DSCAML1: variants seen among roughly 807,000 people sequenced by gnomAD.
DSCAML1 encodes DS cell adhesion molecule like 1, also known as cell adhesion molecule DSCAML1.
A neutral mutation model predicts 200.5 loss-of-function variants in DSCAML1; 38 were observed. The observed-to-expected ratio is 0.19, with a 90% CI of 0.15 to 0.25. The LOEUF (loss-of-function observed/expected upper bound fraction) is 0.25. Ranked by LOEUF, DSCAML1 falls within the 10% of genes least tolerant of loss-of-function variation. The pLI is 1.00. For missense variants in DSCAML1, 2,223 were observed against 2,858.8 expected, an observed-to-expected ratio of 0.78 and a Z score of 5.07; for synonymous variants, 1,215 against 1,165.0, an observed-to-expected ratio of 1.04 and a Z score of -0.87.
At chr11:117,754,552 A>AGGAC (rs1226938672) in intron 3 of DSCAML1, among the ~76,000 whole-genome samples, 1 of 152,158 alleles carries the variant, frequency 6.6e-6, no homozygotes, top group African/African-American at 2.4e-5. Flanking sequence ...AGGTGAGGGA[A>AGGAC]GGACCACAGG....
intron 3 of DSCAML1, among the ~76,000 whole-genome samples, chr11:117,751,389 TTTTTTC>T (rs2054602363): frequency 6.7e-6 from 1 of 149,134 alleles, no homozygotes; most frequent in Non-Finnish European, 1.5e-5. Context: ...CGCTCACACC[TTTTTTC>T]TTTTTTTTTT....
intron 3 of DSCAML1, among the ~76,000 whole-genome samples, chr11:117,594,965 T>C (rs1004452780): frequency 3.3e-5 from 5 of 152,132 alleles, no homozygotes; most frequent in East Asian, 1.9e-4. Flanking sequence ...TAGTTCACCA[T>C]TGCCGTTCTC....
At chr11:117,501,738 C>T (rs1165157696) in intron 11 of DSCAML1, among the ~76,000 whole-genome samples, 1 of 152,114 alleles carries the variant, frequency 6.6e-6, no homozygotes, top group Admixed American at 6.5e-5. Context: ...TTGAGAGGTT[C>T]TGAGGGTGAT....
At chr11:117,714,363 A>T (rs910967967) in intron 3 of DSCAML1, among the ~76,000 whole-genome samples, 2 of 152,180 alleles carry the variant, frequency 1.3e-5, no homozygotes, top group African/African-American at 4.8e-5. Flanking sequence ...CTAACTCTTA[A>T]TCAGGGGCTG....
At chr11:117,597,414 C>A (rs533506037) in intron 3 of DSCAML1, among the ~76,000 whole-genome samples, 2 of 152,170 alleles carry the variant, frequency 1.3e-5, no homozygotes, top group African/African-American at 2.4e-5. Context: ...AGACCAAGGT[C>A]CTTGCCAGCC....
rs370243444 is a variant in DSCAML1 at position 117,595,596 on chromosome 11, G to T, written c.512-63074C>A. Among the ~76,000 whole-genome samples the T allele has an allele frequency of 2.3e-4, 35 of 152,316 alleles. No individual in the cohort carries two copies. In the East Asian group the frequency reaches 4.2e-3, roughly 18 times the overall value. ...GGCAGGGATAACAGAACAGGAAGGT[G>T]CCAGGGCCGGCCCCGCCCAATTTCC... On this transcript the variant is annotated intron_variant, in intron 3 of 32. Coordinates refer to ENST00000651296, the MANE Select transcript of DSCAML1 (RefSeq NM_020693.4).
At chr11:117,774,422 G>A (rs1461831327) in intron 3 of DSCAML1, among the ~76,000 whole-genome samples, 1 of 152,138 alleles carries the variant, frequency 6.6e-6, no homozygotes. Context: ...AGCAACTGTC[G>A]GGCAGTGTTC....
At chr11:117,761,763 T>C (rs758593891) in intron 3 of DSCAML1, among the ~76,000 whole-genome samples, 2 of 151,994 alleles carry the variant, frequency 1.3e-5, no homozygotes, top group Non-Finnish European at 2.9e-5. Flanking sequence ...CCCAGCTACT[T>C]GGGATGCTGA....
intron 29 of DSCAML1, 129 bp from the exon 30 acceptor site, chr11:117,432,633 T>C: frequency 9.0e-7 from 1 of 1,109,166 alleles, no homozygotes; most frequent in African/African-American, 1.6e-5. Flanking sequence ...GTTTGTTTTT[T>C]TGAGACAGGG....
intron 3 of DSCAML1, among the ~76,000 whole-genome samples, chr11:117,624,081 A>T (rs928481845): frequency 3.3e-5 from 5 of 152,250 alleles, no homozygotes; most frequent in Admixed American, 6.5e-5. Context: ...GTGAAAAAAT[A>T]GAACAGGTTA....
intron 6 of DSCAML1, 45 bp downstream of exon 6, chr11:117,521,085 C>T (rs1033088667): frequency 2.5e-6 from 4 of 1,594,404 alleles, no homozygotes; most frequent in East Asian, 2.2e-5. Context: ...GGAATGAGCT[C>T]GGCAGCCCTG....
chr11:117,770,167 T>C lies in DSCAML1; in HGVS notation c.511+6624A>G, dbSNP rs369648710. Among the ~76,000 whole-genome samples the C allele has an allele frequency of 1.1e-3, 172 of 152,306 alleles. No individual in the cohort carries two copies. The Middle Eastern group carries it at 0.024, about 21-fold the overall frequency. On this transcript the variant is annotated intron_variant, in intron 3 of 32. Coordinates refer to ENST00000651296, the MANE Select transcript of DSCAML1 (RefSeq NM_020693.4). ...AGTGGTCCTGCGGTATCCTCCTCTTTGTGGGAAGACACTATAGTCCCAAGA... is the reference window on the plus strand; with the variant it reads ...AGTGGTCCTGCGGTATCCTCCTCTTCGTGGGAAGACACTATAGTCCCAAGA...
At chr11:117,665,191 C>G (rs1208896016) in intron 3 of DSCAML1, among the ~76,000 whole-genome samples, 1 of 152,220 alleles carries the variant, frequency 6.6e-6, no homozygotes, top group African/African-American at 2.4e-5. Flanking sequence ...CATGTGGGCC[C>G]AGTCTCCCTG....
upstream of DSCAML1, chr11:117,801,882 CTG>C (rs2134084793): frequency 6.6e-6 from 1 of 152,352 alleles, no homozygotes; most frequent in African/African-American, 2.4e-5. Context: ...CCCTGAATAA[CTG>C]TGGCCTCTCT....
At chr11:117,638,330 G>A in intron 3 of DSCAML1, among the ~76,000 whole-genome samples, 1 of 147,802 alleles carries the variant, frequency 6.8e-6, no homozygotes, top group Admixed American at 6.7e-5. Context: ...GTGTGTGTGT[G>A]TGTGTGTGTG....
intron 3 of DSCAML1, among the ~76,000 whole-genome samples, chr11:117,716,068 C>T (rs2053946818): frequency 6.6e-6 from 1 of 152,198 alleles, no homozygotes; most frequent in South Asian, 2.1e-4. Context: ...CTGTACTAAC[C>T]CAGGCTGACG....
chr11:117,650,698 T>TGTGC (rs1200976692), intron 3 of DSCAML1, among the ~76,000 whole-genome samples: 5 of 106,338 alleles, frequency 4.7e-5, no homozygotes, highest in East Asian at 2.2e-4. Context: ...TGTGTGTGTG[T>TGTGC]GTGCGTGTGT....
chr11:117,483,156 G>C (rs1004254282), intron 11 of DSCAML1, among the ~76,000 whole-genome samples: 1 of 152,178 alleles, frequency 6.6e-6, no homozygotes, highest in African/African-American at 2.4e-5. Context: ...GGGGAAAAAT[G>C]GTCTCAGCTG....
intron 11 of DSCAML1, among the ~76,000 whole-genome samples, chr11:117,499,299 C>T (rs2049352609): frequency 6.6e-6 from 1 of 152,032 alleles, no homozygotes; most frequent in African/African-American, 2.4e-5. Context: ...CAACCAAGTT[C>T]TGGGAGGTGG....
Sources: allele counts gnomAD v4.1 joint callset (sites outside exome capture counted in the v4.1 genomes callset), GRCh38; gene constraint gnomAD v4.1.1; transcripts MANE v1.5; gene names NCBI Gene and HGNC (gene_info 2026-07-23, HGNC 2026-07-21).